The following TBC1D5 variants were observed in gnomAD, a reference collection of about 807,000 sequenced individuals.
The protein encoded by TBC1D5 is TBC1 domain family member 5.
Under a neutral mutation model 100.3 loss-of-function variants are expected in TBC1D5, and 75 were observed. The observed-to-expected ratio is 0.75, with a 90% CI of 0.62 to 0.91. The LOEUF (loss-of-function observed/expected upper bound fraction) is 0.91, where lower values mean the gene tolerates loss of function less well. Among genes scored for constraint, TBC1D5 ranks in the 40% least tolerant of loss-of-function variants. TBC1D5 has a pLI of 0.00. For missense variants in TBC1D5, 910 were observed against 942.4 expected, an observed-to-expected ratio of 0.97 and a Z score of 0.45; for synonymous variants, 323 against 325.6, an observed-to-expected ratio of 0.99 and a Z score of 0.09.
At chr3:17,425,776 T>C (rs1017386392) in intron 4 of TBC1D5, among the ~76,000 whole-genome samples, 1 of 152,088 alleles carries the variant, frequency 6.6e-6, no homozygotes. Context: ...CAACATATGT[T>C]AGAGAAGGGT....
chr3:17,331,765 C>A (rs2086892209), intron 13 of TBC1D5, among the ~76,000 whole-genome samples: 1 of 152,210 alleles, frequency 6.6e-6, no homozygotes, highest in Non-Finnish European at 1.5e-5. Context: ...AGTGAGGGAA[C>A]AAGCCATGGG....
chr3:17,178,307 C>T (rs915360754), intron 19 of TBC1D5, among the ~76,000 whole-genome samples: 4 of 152,058 alleles, frequency 2.6e-5, no homozygotes. Flanking sequence ...CCTCGTGATC[C>T]ACCCACCTCG....
chr3:17,179,133 C>G (rs200308492), intron 19 of TBC1D5, among the ~76,000 whole-genome samples: 12 of 152,334 alleles, frequency 7.9e-5, no homozygotes, highest in African/African-American at 2.9e-4. Flanking sequence ...TCATTTTTAA[C>G]AAGATCTTCA....
intron 1 of TBC1D5, among the ~76,000 whole-genome samples, chr3:17,654,398 G>A (rs1340962541): frequency 1.3e-5 from 2 of 152,126 alleles, no homozygotes; most frequent in African/African-American, 4.8e-5. Flanking sequence ...TAGTTGCCAT[G>A]CCATTATGTA....
exon 13 of TBC1D5, chr3:17,372,227 A>C (rs182628331): frequency 1.5e-4 from 248 of 1,610,676 alleles, no homozygotes; most frequent in Non-Finnish European, 2.0e-4. Flanking sequence ...AGGGAATGGG[A>C]GTCATCAGTG....
At chr3:17,653,590 A>G (rs5014632) in intron 1 of TBC1D5, among the ~76,000 whole-genome samples, 89,461 of 151,892 alleles carry the variant, frequency 0.59, 27,037 homozygotes, top group East Asian at 0.99. Flanking sequence ...CTAAGGAGAC[A>G]TAACAACTAA....
rs1204883953 is a variant in TBC1D5 at position 17,642,604 on chromosome 3, T to C, written c.-100-18691A>G. 2.0e-5 allele frequency among the ~76,000 whole-genome samples: 3 copies of C among 152,140 alleles called. No homozygotes were observed. The East Asian group carries it at 5.8e-4, about 29-fold the overall frequency. ...CAGTGGAGGCCAATTAACATCTCTT[T>C]AGAAATTACACAACTCAGGTATCTC... On this transcript the variant is annotated intron_variant, in intron 1 of 21. Coordinates refer to ENST00000253692, the Ensembl canonical transcript of TBC1D5.
intron 13 of TBC1D5, among the ~76,000 whole-genome samples, chr3:17,360,190 T>C (rs955934896): frequency 2.0e-5 from 3 of 152,042 alleles, no homozygotes; most frequent in African/African-American, 7.2e-5. Context: ...TGACTAAATA[T>C]ATTTCTGGGA....
chr3:17,526,228 T>C (rs1001138311), intron 2 of TBC1D5, among the ~76,000 whole-genome samples: 2 of 152,164 alleles, frequency 1.3e-5, no homozygotes, highest in Admixed American at 6.6e-5. Context: ...TATTTATTTA[T>C]TTTTTAAGAG....
chr3:17,274,269 C>G (rs2079745132), intron 15 of TBC1D5, among the ~76,000 whole-genome samples: 1 of 152,140 alleles, frequency 6.6e-6, no homozygotes, highest in African/African-American at 2.4e-5. Flanking sequence ...GAGGTCAATT[C>G]CTTTTGAATG....
At chr3:17,692,486 A>G (rs2071316754) in intron 1 of TBC1D5, among the ~76,000 whole-genome samples, 3 of 152,200 alleles carry the variant, frequency 2.0e-5, no homozygotes, top group African/African-American at 4.8e-5. Flanking sequence ...CAATTCAAAG[A>G]CACAGAAAAA....
intron 13 of TBC1D5, among the ~76,000 whole-genome samples, chr3:17,327,766 C>G (rs545297697): frequency 1.3e-5 from 2 of 152,230 alleles, no homozygotes; most frequent in South Asian, 4.1e-4. Flanking sequence ...CTATGTCCCC[C>G]ACTATAACAG....
chr3:17,195,651 C>A (rs900754969), intron 18 of TBC1D5, among the ~76,000 whole-genome samples: 3 of 152,146 alleles, frequency 2.0e-5, no homozygotes, highest in Non-Finnish European at 4.4e-5. Flanking sequence ...AAAAACCGTA[C>A]CCTGCAGCAA....
At chr3:17,652,424 A>C (rs2153722398) in intron 1 of TBC1D5, among the ~76,000 whole-genome samples, 1 of 152,324 alleles carries the variant, frequency 6.6e-6, no homozygotes, top group African/African-American at 2.4e-5. Flanking sequence ...ATGCTTCCTT[A>C]AACTGTTGTT....
At chr3:17,197,830 A>C (rs2070911188) in intron 18 of TBC1D5, among the ~76,000 whole-genome samples, 1 of 152,184 alleles carries the variant, frequency 6.6e-6, no homozygotes, top group Non-Finnish European at 1.5e-5. Context: ...TGAGCTCAGG[A>C]GTTCAAGACC....
At chr3:17,159,606 C>A (rs933115467) in exon 22 of TBC1D5, 1 of 152,292 alleles carries the variant, frequency 6.6e-6, no homozygotes, top group Non-Finnish European at 1.5e-5. Flanking sequence ...AGCATCCTTT[C>A]CAGGGATCTT....
chr3:17,454,047 C>T (rs1181522522), intron 3 of TBC1D5, among the ~76,000 whole-genome samples: 1 of 152,166 alleles, frequency 6.6e-6, no homozygotes, highest in Non-Finnish European at 1.5e-5. Flanking sequence ...GAAAAAGCAT[C>T]TGATAAAGTT....
At chr3:17,387,796 ACAAT>A (rs1462938149) in intron 8 of TBC1D5, among the ~76,000 whole-genome samples, 3 of 151,196 alleles carry the variant, frequency 2.0e-5, no homozygotes, top group African/African-American at 7.3e-5. Flanking sequence ...ACTAGATGCA[ACAAT>A]CATTCAGGTT....
At chr3:17,297,562 C>T (rs545509873) in intron 14 of TBC1D5, among the ~76,000 whole-genome samples, 3 of 145,282 alleles carry the variant, frequency 2.1e-5, no homozygotes, top group South Asian at 2.2e-4. Context: ...GGTGACAGAG[C>T]GAGACTCCTA....
Sources: allele counts gnomAD v4.1 joint callset (sites outside exome capture counted in the v4.1 genomes callset), GRCh38; gene constraint gnomAD v4.1.1; transcripts MANE v1.5; gene names NCBI Gene and HGNC (gene_info 2026-07-23, HGNC 2026-07-21).